The following PAPPA2 variants were observed in gnomAD, a reference collection of about 807,000 sequenced individuals.
The protein encoded by PAPPA2 is pappalysin 2.
In PAPPA2, 86 loss-of-function variants were observed where a neutral mutation model predicts 176.4. That is an observed-to-expected ratio of 0.49 (90% confidence interval 0.41 to 0.58). PAPPA2 has a LOEUF of 0.58. PAPPA2 is among the 20% of genes least tolerant of loss of function. The probability of loss-of-function intolerance (pLI) is 0.00; values close to 1 mark genes in which losing one functional copy is unlikely to be tolerated. For missense variants in PAPPA2, 2,073 were observed against 2,256.9 expected (o/e 0.92, Z 1.65); for synonymous variants, 809 against 852.2 (o/e 0.95, Z 0.88).
At chr1:176,602,554 G>T (rs890734928) in intron 3 of PAPPA2, among the ~76,000 whole-genome samples, 1 of 152,116 alleles carries the variant, frequency 6.6e-6, no homozygotes, top group Non-Finnish European at 1.5e-5. Flanking sequence ...TGCAGTGGCT[G>T]GTCTGTTAAA....
chr1:176,652,371 G>T (rs1264050318), intron 3 of PAPPA2, among the ~76,000 whole-genome samples: 1 of 151,574 alleles, frequency 6.6e-6, no homozygotes, highest in Admixed American at 6.6e-5. Context: ...TTTTCCACTA[G>T]GTTGCTGCCT....
intron 1 of PAPPA2, among the ~76,000 whole-genome samples, chr1:176,537,517 G>A (rs913501454): frequency 4.6e-5 from 7 of 152,172 alleles, no homozygotes; most frequent in Non-Finnish European, 1.0e-4. Flanking sequence ...ACTCTGACAT[G>A]TTTTAAAATT....
At chr1:176,488,708 G>A (rs1201837058) in intron 1 of PAPPA2, among the ~76,000 whole-genome samples, 1 of 152,148 alleles carries the variant, frequency 6.6e-6, no homozygotes, top group African/African-American at 2.4e-5. Flanking sequence ...GTTGTTCATG[G>A]GCTTGAGAGA....
At chr1:176,806,614 G>A (rs1665918393) in intron 21 of PAPPA2, among the ~76,000 whole-genome samples, 1 of 152,140 alleles carries the variant, frequency 6.6e-6, no homozygotes, top group South Asian at 2.1e-4. Flanking sequence ...ATTTCCTTGG[G>A]CAAGTCAGTT....
rs1399464267 is a variant in PAPPA2 at position 176,541,316 on chromosome 1, A to C, written c.-916-14091A>C. ...TGCATTAACAGCGAATACATTTGTC[A>C]TCAGGATTCAGCCAGAATACCAGAA... is the stretch of plus-strand genomic sequence containing the variant. On this transcript the variant is annotated intron_variant, in intron 1 of 22. Coordinates refer to ENST00000367662, the MANE Select transcript of PAPPA2 (RefSeq NM_020318.3). Among the ~76,000 whole-genome samples the C allele has an allele frequency of 4.6e-5, 7 of 152,228 alleles. No individual in the cohort carries two copies. The East Asian group carries it at 1.3e-3, about 29-fold the overall frequency.
At chr1:176,834,430 A>G (rs1236898771) in intron 21 of PAPPA2, among the ~76,000 whole-genome samples, 1 of 152,220 alleles carries the variant, frequency 6.6e-6, no homozygotes, top group Non-Finnish European at 1.5e-5. Context: ...GAGTTGAACA[A>G]CGACATTTCC....
chr1:176,673,691 T>C (rs932760999), intron 4 of PAPPA2, among the ~76,000 whole-genome samples: 2 of 152,154 alleles, frequency 1.3e-5, no homozygotes, highest in South Asian at 4.1e-4. Context: ...CATTCAACTA[T>C]AAAAATGGAT....
intron 3 of PAPPA2, among the ~76,000 whole-genome samples, chr1:176,660,714 T>C (rs1658316165): frequency 6.6e-6 from 1 of 152,126 alleles, no homozygotes; most frequent in African/African-American, 2.4e-5. Flanking sequence ...TGTCTTCCTC[T>C]AGAAAATTCA....
intron 18 of PAPPA2, among the ~76,000 whole-genome samples, chr1:176,790,848 G>A (rs1431902658): frequency 6.6e-6 from 1 of 152,136 alleles, no homozygotes; most frequent in Admixed American, 6.5e-5. Flanking sequence ...TAGAATTTTG[G>A]TGAGACCAAA....
intron 14 of PAPPA2, among the ~76,000 whole-genome samples, chr1:176,741,645 T>A (rs943209215): frequency 6.6e-6 from 1 of 152,170 alleles, no homozygotes; most frequent in Non-Finnish European, 1.5e-5. Flanking sequence ...GGGCCAGTAA[T>A]AGTAGTTTAT....
intron 1 of PAPPA2, among the ~76,000 whole-genome samples, chr1:176,512,972 T>G (rs1218988155): frequency 1.3e-5 from 2 of 152,126 alleles, no homozygotes; most frequent in African/African-American, 4.8e-5. Flanking sequence ...GTTTCAAAAG[T>G]TAGGGATAGC....
chr1:176,559,400 T>C (rs56345448), intron 2 of PAPPA2, among the ~76,000 whole-genome samples: 11,419 of 152,246 alleles, frequency 0.075, 603 homozygotes, highest in Non-Finnish European at 0.11. Context: ...TCAGAAAATA[T>C]TCAGTAAAGA....
intron 1 of PAPPA2, among the ~76,000 whole-genome samples, chr1:176,522,450 G>T (rs1649266004): frequency 2.6e-5 from 4 of 152,116 alleles, no homozygotes. Context: ...ACAGCTATCT[G>T]CTTATTATGC....
intron 12 of PAPPA2, among the ~76,000 whole-genome samples, chr1:176,714,791 A>G (rs539888028): frequency 1.3e-5 from 2 of 151,910 alleles, no homozygotes; most frequent in Admixed American, 6.6e-5. Flanking sequence ...GGGTGTAGAG[A>G]CTCTTCTAAG....
At chr1:176,500,763 C>T (rs910041290) in intron 1 of PAPPA2, among the ~76,000 whole-genome samples, 1 of 151,320 alleles carries the variant, frequency 6.6e-6, no homozygotes, top group Admixed American at 6.6e-5. Flanking sequence ...GATTCAATAC[C>T]AATTTCCCCT....
intron 14 of PAPPA2, among the ~76,000 whole-genome samples, chr1:176,752,602 A>G (rs1663237084): frequency 6.6e-6 from 1 of 152,208 alleles, no homozygotes; most frequent in South Asian, 2.1e-4. Flanking sequence ...CAAATTTGTG[A>G]CATGAATACT....
chr1:176,671,477 A>G (rs993330704), intron 4 of PAPPA2, among the ~76,000 whole-genome samples: 1 of 152,182 alleles, frequency 6.6e-6, no homozygotes, highest in Non-Finnish European at 1.5e-5. Context: ...TTACATGATC[A>G]CTGTTCTAGA....
intron 3 of PAPPA2, among the ~76,000 whole-genome samples, chr1:176,645,300 G>T: frequency 6.6e-6 from 1 of 151,524 alleles, no homozygotes; most frequent in South Asian, 2.1e-4. Flanking sequence ...ATCTTTATGA[G>T]ATCCATGTTT....
intron 1 of PAPPA2, among the ~76,000 whole-genome samples, chr1:176,514,152 A>G (rs1249014622): frequency 6.6e-6 from 1 of 152,238 alleles, no homozygotes; most frequent in East Asian, 1.9e-4. Flanking sequence ...CAGAAGGTAC[A>G]AGAAGCATAG....
Sources: gnomAD v4.1 joint callset for allele counts (sites outside exome capture counted in the v4.1 genomes callset) on GRCh38, gnomAD v4.1.1 for gene constraint, MANE v1.5 for transcripts, NCBI Gene and HGNC (gene_info 2026-07-23, HGNC 2026-07-21) for gene names.